RHOF: variants seen among roughly 807,000 people sequenced by gnomAD.
RHOF encodes rho-related GTP-binding protein RhoF.
RHOF carries 21 observed loss-of-function variants against 22.2 expected under a neutral mutation model. That is an observed-to-expected ratio of 0.95 (90% CI 0.67 to 1.36). The LOEUF is 1.36. Ranked by LOEUF, RHOF falls within the 40% of genes most tolerant of loss-of-function variation. RHOF has a pLI of 0.00. For synonymous variants in RHOF, 135 were observed against 131.2 expected (o/e 1.03, Z -0.20); for missense variants, 285 against 293.7 (o/e 0.97, Z 0.22).
At chr12:121,785,053 G>A (rs1380336712) in intron 2 of RHOF, among the ~76,000 whole-genome samples, 4 of 152,194 alleles carry the variant, frequency 2.6e-5, no homozygotes, top group Non-Finnish European at 5.9e-5. Flanking sequence ...GCCAGGCACC[G>A]TGGCTCACAC....
Position 121,793,163 on chromosome 12 carries a change from TAG to T in RHOF, c.213_214del (p.Tyr72ArgfsTer9), listed in dbSNP as rs760785782. ...GCAGGCGCACTCACCGGCCGTGTCG[TAG>T]AGGTTCAGGGTCACCTCCTTGCTGC... On this transcript the variant is annotated frameshift_variant, in exon 2 of 5. Transcript: ENST00000267205. LOFTEE classifies it high-confidence loss of function. 5 of 1,550,326 alleles carry T rather than the reference TAG, an allele frequency of 3.2e-6. No individual in the cohort carries two copies. In the South Asian group the frequency reaches 5.9e-5, roughly 18 times the overall value.
chr12:121,790,486 G>C (rs1197638458), intron 2 of RHOF, among the ~76,000 whole-genome samples: 1 of 152,152 alleles, frequency 6.6e-6, no homozygotes, highest in Non-Finnish European at 1.5e-5. Flanking sequence ...AATCATCTCC[G>C]GCATTCGGAT....
chr12:121,788,505 A>G (rs1276987695), intron 2 of RHOF, among the ~76,000 whole-genome samples: 3 of 152,136 alleles, frequency 2.0e-5, no homozygotes, highest in Admixed American at 2.0e-4. Context: ...GCAGAGGACT[A>G]CTTCCGTGTG....
In RHOF at chr12:121,779,518, G is replaced by T; in HGVS notation, c.616C>A (p.Arg206=). The T allele has an allele frequency of 6.2e-7, 1 of 1,612,712 alleles. No individual in the cohort carries two copies. The change falls in exon 5 of 5, where the codon CGG becomes AGG. Residue 206 remains arginine, a synonymous_variant. Transcript: ENST00000267205. The part of the protein sequence containing the change: ...LKKAQRQKKR[R]LCLLL Reference sequence around the variant, plus strand: ...CTGGGTCAGAGCAGCAGGCAGAGCCGGCGCTTCTTCTGCCGTTGCGCCTTC... The same window carrying T: ...CTGGGTCAGAGCAGCAGGCAGAGCCTGCGCTTCTTCTGCCGTTGCGCCTTC...
At chr12:121,780,833 C>T (rs756169727) in intron 4 of RHOF, 39 bp downstream of exon 4, 4 of 1,593,098 alleles carry the variant, frequency 2.5e-6, no homozygotes, top group East Asian at 2.2e-5. Flanking sequence ...GGAGGCTTCA[C>T]AGCCACGGCT....
chr12:121,781,120 A>G lies in RHOF; in HGVS notation c.299T>C (p.Val100Ala). ...NTHLVLICYD[V>A]MNPTSYDNVL... ...GTTGTCGTAGCTGGTGGGATTCATG[A>G]CGTCATAGCAGATGAGCACGAGGTG... The change falls in exon 3 of 5, where the codon GTC becomes GCC. Residue 100 changes from valine (V) to alanine (A), a missense_variant. Val to Ala is a moderately conservative substitution (Grantham distance 64, BLOSUM62 0). Transcript: ENST00000267205. The G allele has an allele frequency of 6.2e-7, 1 of 1,614,184 alleles. No individual in the cohort carries two copies. The highest frequency in any genetic ancestry group is 1.3e-5 in the African/African-American group (1 of 75,050).
In RHOF at chr12:121,779,152, C is replaced by T. The variant is rs923964578; in HGVS notation, c.*346G>A. On this transcript the variant is annotated 3_prime_UTR_variant, in exon 5 of 5. Coordinates refer to ENST00000267205, the MANE Select transcript of RHOF (RefSeq NM_019034.3). ...CCCGCGTGGAACAGTGCCAGGTCTA[C>T]GTTTACCCACTACCAGATAGACTTT... is the stretch of plus-strand genomic sequence containing the variant. The T allele has an allele frequency of 2.5e-5, 7 of 282,112 alleles. No homozygotes were observed. The highest frequency in any genetic ancestry group is 3.5e-5 in the Non-Finnish European group (5 of 143,274). The allele number at this position is 282,112 out of a possible 1,614,324, so 17.5% of individuals were successfully genotyped here. A position where few individuals can be genotyped will look rare whatever the true frequency, so the allele number is the denominator to read the frequency against.
At position 121,780,788 on chromosome 12, in the gene RHOF, A is replaced by T. The variant is rs1279411500; in HGVS notation, c.471+84T>A. On this transcript the variant is annotated intron_variant, in intron 4 of 4. Transcript: ENST00000267205. ...GCTTCCCTCAGCTCCCTGAAAGGCC[A>T]CTAAGGCACCCCAGTTGCAGAGGCC... 3.4e-6 allele frequency: 5 copies of T among 1,481,054 alleles called. No homozygotes were observed. The South Asian group carries it at 3.9e-5, about 12-fold the overall frequency. 91.7% of individuals were successfully genotyped at this position (1,481,054 alleles called of 1,614,324 possible). A position where few individuals can be genotyped will look rare whatever the true frequency, so the allele number is the denominator to read the frequency against.
chr12:121,783,136 A>C (rs1874516354), intron 2 of RHOF: 2 of 150,468 alleles, frequency 1.3e-5, no homozygotes, highest in Non-Finnish European at 3.0e-5. Flanking sequence ...GCCCCTGTCT[A>C]CTGCTGGCCA....
intron 4 of RHOF, chr12:121,780,571 G>A: frequency 1.9e-6 from 1 of 514,060 alleles, no homozygotes; most frequent in Non-Finnish European, 3.4e-6. Context: ...ACCAGATCCT[G>A]GCTCCACTTC....
At chr12:121,780,774 C>T in intron 4 of RHOF, 98 bp downstream of exon 4, 1 of 1,373,752 alleles carries the variant, frequency 7.3e-7, no homozygotes, top group Non-Finnish European at 9.9e-7. Context: ...CTTCCCTCAG[C>T]TCCCTGAAAG....
chr12:121,783,327 C>A (rs1008915252), intron 2 of RHOF, among the ~76,000 whole-genome samples: 6 of 148,564 alleles, frequency 4.0e-5, no homozygotes, highest in East Asian at 2.0e-4. Flanking sequence ...CCCCCCCCCC[C>A]ACCTTTTCTT....
chr12:121,781,458 G>A lies in RHOF; in HGVS notation c.227-266C>T, dbSNP rs1708049182. 3.6e-5 allele frequency: 15 copies of A among 415,294 alleles called. 1 individual carries two copies. The highest frequency in any genetic ancestry group is 3.1e-4 in the South Asian group (13 of 41,668). 25.7% of individuals were successfully genotyped at this position (415,294 alleles called of 1,614,324 possible). On this transcript the variant is annotated intron_variant, in intron 2 of 4. Coordinates refer to ENST00000267205, the MANE Select transcript of RHOF (RefSeq NM_019034.3). ...TGCACTCCAGCCTGGGTGACAGAGC[G>A]AGACCCTGTCTCTTAACAACAAAAC... is the stretch of plus-strand genomic sequence containing the variant.
intron 2 of RHOF, among the ~76,000 whole-genome samples, chr12:121,788,278 C>T (rs1018267561): frequency 1.3e-5 from 2 of 151,968 alleles, no homozygotes; most frequent in Non-Finnish European, 2.9e-5. Flanking sequence ...CCCCAGAAAA[C>T]AGGAAGGAAT....
chr12:121,793,451 A>T, intron 1 of RHOF, 45 bp downstream of exon 1: 1 of 1,531,948 alleles, frequency 6.5e-7, no homozygotes, highest in Non-Finnish European at 8.8e-7. Flanking sequence ...GGCTCAGGGT[A>T]AGGGGCGTCC....
chr12:121,779,880 C>T (rs1874383487), intron 4 of RHOF: 1 of 550,940 alleles, frequency 1.8e-6, no homozygotes, highest in South Asian at 2.4e-5. Flanking sequence ...TGTCCAGGCC[C>T]CCACCCTGGC....
At chr12:121,781,326 C>A in intron 2 of RHOF, 134 bp from the exon 3 acceptor site, 1 of 735,192 alleles carries the variant, frequency 1.4e-6, no homozygotes, top group Non-Finnish European at 2.2e-6. Flanking sequence ...GGGCAGCAAG[C>A]CAGGAGTGCT....
intron 2 of RHOF, among the ~76,000 whole-genome samples, chr12:121,786,545 C>G (rs546972437): frequency 6.6e-6 from 1 of 152,314 alleles, no homozygotes; most frequent in South Asian, 2.1e-4. Context: ...TTCCTGGGGC[C>G]TCTGCCCTTG....
intron 2 of RHOF, among the ~76,000 whole-genome samples, chr12:121,785,422 C>CTTTTT (rs758984066): frequency 1.2e-4 from 10 of 86,146 alleles, no homozygotes; most frequent in Non-Finnish European, 2.1e-4. Context: ...TTTTTCTTTA[C>CTTTTT]TTTTTTTTTT....
Sources: gnomAD v4.1 joint callset for allele counts (sites outside exome capture counted in the v4.1 genomes callset) on GRCh38, gnomAD v4.1.1 for gene constraint, MANE v1.5 for transcripts, NCBI Gene and HGNC (gene_info 2026-07-23, HGNC 2026-07-21) for gene names.